The following IL6R variants were observed in gnomAD, a reference collection of about 807,000 sequenced individuals.
IL6R encodes interleukin 6 receptor.
Under a neutral mutation model 48.3 loss-of-function variants are expected in IL6R, and 38 were observed. That is an observed-to-expected ratio of 0.79 (90% CI 0.61 to 1.03). IL6R has a LOEUF of 1.03. Ranked by LOEUF, IL6R falls within the 50% of genes least tolerant of loss-of-function variation. The pLI, the probability that IL6R is intolerant of heterozygous loss-of-function variation, is 0.00. For missense variants in IL6R, 534 were observed against 618.3 expected, an observed-to-expected ratio of 0.86 and a Z score of 1.45; for synonymous variants, 264 against 256.2, an observed-to-expected ratio of 1.03 and a Z score of -0.29.
intron 3 of IL6R, among the ~76,000 whole-genome samples, chr1:154,431,629 T>C (rs1218664536): frequency 6.6e-6 from 1 of 152,180 alleles, no homozygotes; most frequent in Non-Finnish European, 1.5e-5. Context: ...CTTGTGATGA[T>C]ATGAGGTTGT....
intron 1 of IL6R, among the ~76,000 whole-genome samples, chr1:154,425,686 A>G (rs1688921750): frequency 6.6e-6 from 1 of 151,466 alleles, no homozygotes; most frequent in African/African-American, 2.4e-5. Flanking sequence ...CGGTGGGAGG[A>G]TCAGTTGAGC....
intron 1 of IL6R, among the ~76,000 whole-genome samples, chr1:154,427,751 T>A (rs1689058165): frequency 6.6e-6 from 1 of 151,964 alleles, no homozygotes; most frequent in Non-Finnish European, 1.5e-5. Flanking sequence ...GCTTTAGGGG[T>A]GTTATCTGCC....
intron 3 of IL6R, among the ~76,000 whole-genome samples, chr1:154,431,108 G>A (rs1689269209): frequency 5.3e-5 from 8 of 152,140 alleles, no homozygotes; most frequent in Admixed American, 4.6e-4. Context: ...ATAAAGACAC[G>A]AGAGAGAAAG....
At position 154,423,713 on chromosome 1, in the gene IL6R, G is replaced by A. The variant is rs550336265; in HGVS notation, c.86-5483G>A. ...TGTGACAGGCAATACTTGCCAATGG[G>A]TGGTTTATAATTAATCATTCCCTGT... On this transcript the variant is annotated intron_variant, in intron 1 of 9. Coordinates refer to ENST00000368485, the MANE Select transcript of IL6R (RefSeq NM_000565.4). Among the ~76,000 whole-genome samples the A allele has an allele frequency of 2.0e-5, 3 of 152,284 alleles. 1 individual carries two copies. In the South Asian group the frequency reaches 6.2e-4, roughly 32 times the overall value.
chr1:154,447,499 A>ACG (rs1690315363), intron 6 of IL6R, among the ~76,000 whole-genome samples: 1 of 132,804 alleles, frequency 7.5e-6, no homozygotes, highest in Non-Finnish European at 1.6e-5. Flanking sequence ...ACACACACAC[A>ACG]CACATATATA....
At chr1:154,414,710 G>C in intron 1 of IL6R, 2 of 838,938 alleles carry the variant, frequency 2.4e-6, no homozygotes, top group South Asian at 2.8e-5. Flanking sequence ...CCCTCCATTA[G>C]GTATTGCTCC....
rs1158465158 is a variant in IL6R at position 154,405,348 on chromosome 1, T to C, written c.-282T>C. On this transcript the variant is annotated 5_prime_UTR_variant, in exon 1 of 10. Coordinates refer to ENST00000368485, the MANE Select transcript of IL6R (RefSeq NM_000565.4). This position sits in a 1 kb window ranked among gnomAD's most constrained non-coding sequence, Gnocchi z 5.2. ...CGCTCCAGCGCGAGTTCCTCAAATG[T>C]TTTCCTGCGTTGCCAGGACCGTCCG... 2.2e-6 allele frequency: 1 copy of C among 464,134 alleles called. No individual in the cohort carries two copies. Among genetic ancestry groups the C allele is most frequent in the Non-Finnish European group, 3.8e-6 (1 of 262,174 alleles). The allele number at this position is 464,134 out of a possible 1,614,324, so 28.8% of individuals were successfully genotyped here.
intron 6 of IL6R, among the ~76,000 whole-genome samples, chr1:154,447,491 A>C (rs1356721192): frequency 7.8e-6 from 1 of 127,856 alleles, no homozygotes; most frequent in African/African-American, 3.4e-5. Flanking sequence ...ACACACACAC[A>C]CACACACACA....
At chr1:154,414,779 C>G in intron 1 of IL6R, 1 of 765,554 alleles carries the variant, frequency 1.3e-6, no homozygotes, top group South Asian at 1.4e-5. Context: ...GGCAGCCACT[C>G]CAGCTCCATG....
intron 9 of IL6R, among the ~76,000 whole-genome samples, chr1:154,463,593 T>A (rs963946689): frequency 1.3e-5 from 2 of 152,182 alleles, no homozygotes; most frequent in African/African-American, 4.8e-5. Flanking sequence ...GGCCACCTTG[T>A]TCCCACTTTG....
intron 6 of IL6R, among the ~76,000 whole-genome samples, chr1:154,437,238 A>G (rs1689672310): frequency 1.3e-5 from 2 of 152,106 alleles, no homozygotes; most frequent in Admixed American, 6.6e-5. Flanking sequence ...CCGGGACTAC[A>G]GGCACCTGCC....
intron 9 of IL6R, among the ~76,000 whole-genome samples, chr1:154,455,859 C>A (rs940979559): frequency 1.1e-4 from 17 of 151,948 alleles, no homozygotes; most frequent in African/African-American, 3.9e-4. Flanking sequence ...GAGTTCGAGA[C>A]CAGCCTGGCC....
chr1:154,450,143 T>TGTGTGTGTGTGTGTGTGTGTG (rs57636717), intron 8 of IL6R, among the ~76,000 whole-genome samples, 163 bp downstream of exon 8: 1 of 148,680 alleles, frequency 6.7e-6, no homozygotes, highest in Non-Finnish European at 1.5e-5. Context: ...TGTGTGTGTG[T>TGTGTGTGTGTGTGTGTGTGTG]TGGAGAGAGT....
chr1:154,415,913 C>T (rs1688316926), intron 1 of IL6R, among the ~76,000 whole-genome samples: 1 of 151,908 alleles, frequency 6.6e-6, no homozygotes, highest in African/African-American at 2.4e-5. Context: ...TGCAGTGAGC[C>T]ACGATTGTGC....
intron 8 of IL6R, among the ~76,000 whole-genome samples, chr1:154,452,164 C>G (rs574968825): frequency 6.6e-6 from 1 of 152,310 alleles, no homozygotes; most frequent in East Asian, 1.9e-4. Context: ...AACCCCCAAC[C>G]AACTCTTTTC....
chr1:154,420,009 G>A (rs546160786), intron 1 of IL6R, among the ~76,000 whole-genome samples: 159 of 152,142 alleles, frequency 1.0e-3, no homozygotes, highest in Non-Finnish European at 2.0e-3. Flanking sequence ...CTAGGCCACC[G>A]GGGCAGGGAG....
intron 1 of IL6R, among the ~76,000 whole-genome samples, chr1:154,420,515 A>T (rs886960887): frequency 2.7e-5 from 4 of 149,874 alleles, no homozygotes; most frequent in South Asian, 2.1e-4. Context: ...ATTTTATTTT[A>T]TTTATTTATT....
intron 1 of IL6R, among the ~76,000 whole-genome samples, chr1:154,425,428 C>T (rs1688907032): frequency 6.6e-6 from 1 of 152,098 alleles, no homozygotes; most frequent in Non-Finnish European, 1.5e-5. Context: ...GGTCACACAA[C>T]GAAATATTAC....
At chr1:154,460,990 G>A (rs7537316) in intron 9 of IL6R, among the ~76,000 whole-genome samples, 102,236 of 151,958 alleles carry the variant, frequency 0.67, 35,843 homozygotes, top group East Asian at 0.83. Context: ...CATACAAGAC[G>A]AGGAGGCAGG....
Sources: gnomAD v4.1 joint callset for allele counts (sites outside exome capture counted in the v4.1 genomes callset) on GRCh38, gnomAD v4.1.1 for gene constraint, Gnocchi (gnomAD v3.1) non-coding constraint, MANE v1.5 for transcripts, NCBI Gene and HGNC (gene_info 2026-07-23, HGNC 2026-07-21) for gene names.